Variants in CCDC102B observed in about 807,000 individuals in gnomAD.
CCDC102B encodes coiled-coil domain containing 102B.
A neutral mutation model predicts 57.4 loss-of-function variants in CCDC102B; 75 were observed. The observed-to-expected ratio is 1.31, with a 90% confidence interval of 1.08 to 1.58. CCDC102B has a LOEUF of 1.58. Among genes scored for constraint, CCDC102B ranks in the 40% most tolerant of loss-of-function variants. CCDC102B has a pLI of 0.00. For missense variants in CCDC102B, 636 were observed against 582.6 expected (o/e 1.09, Z -0.94); for synonymous variants, 206 against 201.9 (o/e 1.02, Z -0.17).
chr18:69,042,495 T>A (rs2052458372), intron 7 of CCDC102B, among the ~76,000 whole-genome samples: 2 of 152,098 alleles, frequency 1.3e-5, no homozygotes, highest in Admixed American at 1.3e-4. Context: ...GCAGCATTCA[T>A]CTCCTAACAG....
chr18:68,957,130 C>T (rs569468033), intron 6 of CCDC102B, among the ~76,000 whole-genome samples: 1 of 151,924 alleles, frequency 6.6e-6, no homozygotes, highest in African/African-American at 2.4e-5. Flanking sequence ...GTTTTTTTAA[C>T]TTGATGTGAT....
At chr18:69,014,974 A>T (rs1352642906) in intron 7 of CCDC102B, among the ~76,000 whole-genome samples, 55 of 116,706 alleles carry the variant, frequency 4.7e-4, no homozygotes, top group African/African-American at 1.4e-3. Context: ...AGAGAGAGAG[A>T]GAGAGTGTGT....
chr18:68,897,488 A>T, intron 6 of CCDC102B, 60 bp downstream of exon 6: 2 of 1,578,760 alleles, frequency 1.3e-6, no homozygotes, highest in Non-Finnish European at 1.7e-6. Context: ...GCCTACGCAG[A>T]GTCTGTCTTC....
chr18:68,842,237 G>A (rs1248665678), intron 3 of CCDC102B, among the ~76,000 whole-genome samples: 1 of 148,696 alleles, frequency 6.7e-6, no homozygotes, highest in African/African-American at 2.5e-5. Flanking sequence ...TATATATAAA[G>A]TATATATATA....
upstream of CCDC102B, among the ~76,000 whole-genome samples, chr18:68,797,050 A>G (rs983799350): frequency 2.0e-5 from 3 of 152,106 alleles, no homozygotes; most frequent in Non-Finnish European, 4.4e-5. Flanking sequence ...GGTATTTAAC[A>G]TCACGTGGGG....
chr18:68,739,952 T>G (rs1037999347), intron 2 of CCDC102B, among the ~76,000 whole-genome samples: 1 of 152,234 alleles, frequency 6.6e-6, no homozygotes, highest in African/African-American at 2.4e-5. Context: ...TATGATATCA[T>G]TACTAGTATG....
At chr18:69,047,670 C>G (rs2052602373) in intron 7 of CCDC102B, among the ~76,000 whole-genome samples, 1 of 152,086 alleles carries the variant, frequency 6.6e-6, no homozygotes, top group Non-Finnish European at 1.5e-5. Flanking sequence ...TCTCCTTGAT[C>G]TGATAAACAA....
At chr18:68,910,378 A>G (rs2040797785) in intron 6 of CCDC102B, among the ~76,000 whole-genome samples, 2 of 152,222 alleles carry the variant, frequency 1.3e-5, no homozygotes. Flanking sequence ...GGATGTTTAG[A>G]TAGTACAGCA....
intron 7 of CCDC102B, among the ~76,000 whole-genome samples, chr18:69,018,775 T>C (rs8087152): frequency 0.13 from 20,016 of 151,992 alleles, 2,186 homozygotes; most frequent in East Asian, 0.39. Context: ...TATGCAGTTC[T>C]AATTCGTTTA....
intron 2 of CCDC102B, among the ~76,000 whole-genome samples, chr18:68,755,576 T>C (rs1188223618): frequency 6.6e-6 from 1 of 152,160 alleles, no homozygotes; most frequent in Non-Finnish European, 1.5e-5. Flanking sequence ...AAATCACAAA[T>C]ATTTCTATTT....
intron 6 of CCDC102B, among the ~76,000 whole-genome samples, chr18:68,951,451 C>T (rs1599740216): frequency 1.3e-5 from 2 of 152,088 alleles, no homozygotes; most frequent in South Asian, 2.1e-4. Flanking sequence ...TCTTTATTCA[C>T]CAACTTTGAA....
chr18:69,010,127 A>T (rs1189355776), intron 6 of CCDC102B, among the ~76,000 whole-genome samples: 2 of 130,520 alleles, frequency 1.5e-5, no homozygotes, highest in African/African-American at 5.8e-5. Context: ...TTTTTTTAGT[A>T]GAGACGGAGT....
chr18:68,792,928 T>C (rs1292107477), intron 2 of CCDC102B, among the ~76,000 whole-genome samples: 2 of 152,214 alleles, frequency 1.3e-5, no homozygotes, highest in East Asian at 3.8e-4. Context: ...GAGACAATTA[T>C]TCCTATTTTT....
At chr18:68,941,133 A>G (rs1324924076) in intron 6 of CCDC102B, among the ~76,000 whole-genome samples, 1 of 149,792 alleles carries the variant, frequency 6.7e-6, no homozygotes. Context: ...TATTTAGCAT[A>G]TGTTGTATTT....
intron 6 of CCDC102B, among the ~76,000 whole-genome samples, chr18:68,987,244 T>G (rs1360364393): frequency 6.6e-6 from 1 of 152,124 alleles, no homozygotes; most frequent in Non-Finnish European, 1.5e-5. Context: ...TGGAGAAGGT[T>G]GGAGAATCCA....
intron 5 of CCDC102B, among the ~76,000 whole-genome samples, chr18:68,891,675 G>A (rs1346519889): frequency 6.6e-6 from 1 of 152,210 alleles, no homozygotes; most frequent in Admixed American, 6.5e-5. Flanking sequence ...TTCTGGGCTT[G>A]TAGATGGTTG....
At chr18:68,957,911 A>G (rs1263672236) in intron 6 of CCDC102B, among the ~76,000 whole-genome samples, 1 of 151,894 alleles carries the variant, frequency 6.6e-6, no homozygotes, top group Non-Finnish European at 1.5e-5. Flanking sequence ...CCATATTTTC[A>G]CTATTGGCAT....
At chr18:68,783,147 G>C (rs1422706472) in intron 2 of CCDC102B, among the ~76,000 whole-genome samples, 1 of 152,180 alleles carries the variant, frequency 6.6e-6, no homozygotes, top group Non-Finnish European at 1.5e-5. Context: ...CCTGGCCTGG[G>C]AAGGCTCCTG....
chr18:68,775,816 G>A (rs1272666971), intron 2 of CCDC102B, among the ~76,000 whole-genome samples: 1 of 151,976 alleles, frequency 6.6e-6, no homozygotes, highest in Non-Finnish European at 1.5e-5. Context: ...ACCACGCCCA[G>A]CTAATTTTTG....
Sources: allele counts gnomAD v4.1 joint callset (sites outside exome capture counted in the v4.1 genomes callset), GRCh38; gene constraint gnomAD v4.1.1; transcripts MANE v1.5; gene names NCBI Gene and HGNC (gene_info 2026-07-23, HGNC 2026-07-21).